HS3ST4: variants seen among roughly 807,000 people sequenced by gnomAD.
The protein encoded by HS3ST4 is heparan sulfate glucosamine 3-O-sulfotransferase 4.
A neutral mutation model predicts 29.2 loss-of-function variants in HS3ST4; 17 were observed. That is an observed-to-expected ratio of 0.58 (90% CI 0.40 to 0.87). The LOEUF (loss-of-function observed/expected upper bound fraction) is 0.87, where lower values mean the gene tolerates loss of function less well. HS3ST4 is among the 40% of genes least tolerant of loss of function. HS3ST4 has a pLI of 0.00. For synonymous variants in HS3ST4, 314 were observed against 285.7 expected, an observed-to-expected ratio of 1.10 and a Z score of -1.00; for missense variants, 627 against 634.5, an observed-to-expected ratio of 0.99 and a Z score of 0.13.
intron 1 of HS3ST4, among the ~76,000 whole-genome samples, chr16:25,713,864 G>T (rs1966434007): frequency 6.6e-6 from 1 of 152,158 alleles, no homozygotes; most frequent in Admixed American, 6.5e-5. Flanking sequence ...GGGTCTAAGG[G>T]ATCCAATTCC....
At chr16:25,925,689 A>G (rs1437329979) in intron 1 of HS3ST4, among the ~76,000 whole-genome samples, 1 of 152,224 alleles carries the variant, frequency 6.6e-6, no homozygotes, top group Non-Finnish European at 1.5e-5. Flanking sequence ...TTGTGGTTTC[A>G]AACAGTAAGC....
At chr16:25,912,277 A>G (rs747369337) in intron 1 of HS3ST4, among the ~76,000 whole-genome samples, 3 of 152,154 alleles carry the variant, frequency 2.0e-5, no homozygotes, top group African/African-American at 4.8e-5. Flanking sequence ...AGGCTCAGCT[A>G]TGAATTCGTT....
intron 1 of HS3ST4, among the ~76,000 whole-genome samples, chr16:26,084,433 T>A (rs1212993273): frequency 2.6e-5 from 4 of 152,194 alleles, no homozygotes; most frequent in Non-Finnish European, 4.4e-5. Flanking sequence ...TTCTTTCACT[T>A]GTTTTCTTTC....
At chr16:25,905,016 A>C (rs970676165) in intron 1 of HS3ST4, among the ~76,000 whole-genome samples, 2 of 152,166 alleles carry the variant, frequency 1.3e-5, no homozygotes, top group African/African-American at 4.8e-5. Flanking sequence ...TCTACCTTTT[A>C]AGACCTCACT....
intron 1 of HS3ST4, among the ~76,000 whole-genome samples, chr16:25,911,411 C>T (rs1193218765): frequency 6.6e-6 from 1 of 151,786 alleles, no homozygotes; most frequent in Admixed American, 6.6e-5. Flanking sequence ...GTCAGGTAAA[C>T]CCTGGGCGTT....
intron 1 of HS3ST4, among the ~76,000 whole-genome samples, chr16:25,949,295 C>A (rs932690654): frequency 6.6e-5 from 10 of 151,962 alleles, no homozygotes; most frequent in African/African-American, 2.2e-4. Flanking sequence ...CTCTCAAATA[C>A]TAGGTCTTAT....
Position 26,002,515 on chromosome 16 carries a change from G to C in HS3ST4, c.735-133097G>C, listed in dbSNP as rs1969220562. Among the ~76,000 whole-genome samples, 3 of 152,078 alleles carry C rather than the reference G, an allele frequency of 2.0e-5. 1 individual carries two copies. The highest frequency in any genetic ancestry group is 7.2e-5 in the African/African-American group (3 of 41,394). ...CAAATTCCTTGCTGACTGGAAATCT[G>C]ACTAGCTGACAAATCCAGATAAATG... On this transcript the variant is annotated intron_variant, in intron 1 of 1. Transcript: ENST00000331351.
intron 1 of HS3ST4, among the ~76,000 whole-genome samples, chr16:25,816,902 C>T (rs1255846289): frequency 6.6e-6 from 1 of 152,130 alleles, no homozygotes; most frequent in East Asian, 1.9e-4. Context: ...CCACCAATCC[C>T]ACTCCCGAGA....
At chr16:25,967,872 G>A (rs776190530) in intron 1 of HS3ST4, among the ~76,000 whole-genome samples, 2 of 152,188 alleles carry the variant, frequency 1.3e-5, no homozygotes, top group African/African-American at 2.4e-5. Context: ...GAGTCAGGAG[G>A]TGCTTGCAAA....
intron 1 of HS3ST4, among the ~76,000 whole-genome samples, chr16:25,709,568 A>C (rs1414069784): frequency 6.6e-6 from 1 of 152,178 alleles, no homozygotes; most frequent in Non-Finnish European, 1.5e-5. Flanking sequence ...TTGCATGGAG[A>C]TAGAGGACCT....
intron 1 of HS3ST4, among the ~76,000 whole-genome samples, chr16:26,120,052 AGTGT>A (rs35643541): frequency 6.2e-4 from 82 of 131,530 alleles, no homozygotes; most frequent in East Asian, 2.5e-3. Context: ...AGCTGAAGGA[AGTGT>A]GTGTGTGTGT....
intron 1 of HS3ST4, among the ~76,000 whole-genome samples, chr16:25,716,112 T>C (rs1966452420): frequency 6.6e-6 from 1 of 152,192 alleles, no homozygotes; most frequent in Non-Finnish European, 1.5e-5. Context: ...CAAATACATT[T>C]ATGTGTCGCT....
At chr16:26,084,486 T>A (rs1567308499) in intron 1 of HS3ST4, among the ~76,000 whole-genome samples, 1 of 152,248 alleles carries the variant, frequency 6.6e-6, no homozygotes, top group Non-Finnish European at 1.5e-5. Context: ...AATCTCTCAT[T>A]TTCTTTTCCT....
intron 1 of HS3ST4, among the ~76,000 whole-genome samples, chr16:25,969,832 A>G (rs1461320713): frequency 6.6e-6 from 1 of 152,202 alleles, no homozygotes; most frequent in East Asian, 1.9e-4. Context: ...TCCCCATTTC[A>G]GATCATCCAG....
chr16:25,831,720 C>T (rs1327242498), intron 1 of HS3ST4, among the ~76,000 whole-genome samples: 1 of 152,078 alleles, frequency 6.6e-6, no homozygotes. Flanking sequence ...GAAATCATTC[C>T]TGGCACATAG....
chr16:25,713,088 A>G (rs1357214799), intron 1 of HS3ST4, among the ~76,000 whole-genome samples: 1 of 151,878 alleles, frequency 6.6e-6, no homozygotes, highest in East Asian at 1.9e-4. Context: ...AAGTTCTGGG[A>G]TACACATGCA....
chr16:25,886,289 T>A (rs1401872225), intron 1 of HS3ST4, among the ~76,000 whole-genome samples: 1 of 152,138 alleles, frequency 6.6e-6, no homozygotes, highest in Non-Finnish European at 1.5e-5. Flanking sequence ...TGCCTCGGCC[T>A]CCCAAAGTTC....
intron 1 of HS3ST4, among the ~76,000 whole-genome samples, chr16:26,030,628 G>A (rs532881124): frequency 1.2e-4 from 18 of 152,218 alleles, no homozygotes; most frequent in African/African-American, 3.9e-4. Context: ...GAGCTTGCTG[G>A]CTATACATAC....
intron 1 of HS3ST4, among the ~76,000 whole-genome samples, chr16:25,853,316 A>G (rs1160860492): frequency 5.3e-4 from 40 of 76,046 alleles, no homozygotes; most frequent in East Asian, 1.1e-3. Flanking sequence ...GTGTGTGTAT[A>G]TATATATATA....
Sources: allele counts gnomAD v4.1 joint callset (sites outside exome capture counted in the v4.1 genomes callset), GRCh38; gene constraint gnomAD v4.1.1; transcripts MANE v1.5; gene names NCBI Gene and HGNC (gene_info 2026-07-23, HGNC 2026-07-21).